Variants in LRRC28 observed in about 807,000 individuals in gnomAD.
LRRC28 encodes leucine rich repeat containing 28, also known as leucine-rich repeat-containing protein 28.
Under a neutral mutation model 45.7 loss-of-function variants are expected in LRRC28, and 39 were observed. The observed-to-expected ratio is 0.85, with a 90% CI of 0.66 to 1.12. The LOEUF (loss-of-function observed/expected upper bound fraction) is 1.12, where lower values mean the gene tolerates loss of function less well. LRRC28 is among the 50% of genes most tolerant of loss of function. The probability of loss-of-function intolerance (pLI) is 0.00; values close to 1 mark genes in which losing one functional copy is unlikely to be tolerated. For missense variants in LRRC28, 435 were observed against 438.5 expected, an observed-to-expected ratio of 0.99 and a Z score of 0.07; for synonymous variants, 206 against 178.8, an observed-to-expected ratio of 1.15 and a Z score of -1.22.
At chr15:99,353,473 C>T (rs2152317569) in intron 7 of LRRC28, among the ~76,000 whole-genome samples, 1 of 152,238 alleles carries the variant, frequency 6.6e-6, no homozygotes, top group African/African-American at 2.4e-5. Flanking sequence ...GAGTTCAGTG[C>T]CTATACAGGC....
chr15:99,384,464 C>T (rs1957922528), intron 9 of LRRC28: 1 of 152,204 alleles, frequency 6.6e-6, no homozygotes, highest in Non-Finnish European at 1.5e-5. Context: ...CATTTAGCCT[C>T]AGCCATGTCC....
At chr15:99,352,303 A>G (rs940663737) in intron 6 of LRRC28, 66 bp from the exon 7 acceptor site, 2 of 1,092,242 alleles carry the variant, frequency 1.8e-6, no homozygotes, top group South Asian at 1.4e-5. Context: ...TATGTATTAA[A>G]TTTTATATTT....
chr15:99,287,625 A>G, intron 4 of LRRC28, among the ~76,000 whole-genome samples, 189 bp from the exon 5 acceptor site: 1 of 152,188 alleles, frequency 6.6e-6, no homozygotes. Context: ...ATTTTAAGTT[A>G]TATTTTATCT....
intron 5 of LRRC28, among the ~76,000 whole-genome samples, chr15:99,325,959 C>T (rs887838245): frequency 6.6e-6 from 1 of 152,076 alleles, no homozygotes; most frequent in South Asian, 2.1e-4. Flanking sequence ...TAGAAGAAGA[C>T]GACCAATGGG....
intron 6 of LRRC28, among the ~76,000 whole-genome samples, chr15:99,344,239 T>C (rs1956612149): frequency 6.6e-6 from 1 of 152,220 alleles, no homozygotes; most frequent in Non-Finnish European, 1.5e-5. Context: ...GTGAGAAAGG[T>C]ACTCTTATCC....
In LRRC28 at chr15:99,342,375, A is replaced by G. The variant is rs538917582; in HGVS notation, c.592+8246A>G. The stretch of plus-strand genomic sequence containing the variant: ...TGGGGGAGGCTGTCTAACTTCCGTC[A>G]TGGTGAAACAGGCAGATGCGCCTTT... On this transcript the variant is annotated intron_variant, in intron 6 of 9. Coordinates refer to ENST00000301981, the MANE Select transcript of LRRC28 (RefSeq NM_144598.5). Among the ~76,000 whole-genome samples, 7 of 152,326 alleles carry G rather than the reference A, an allele frequency of 4.6e-5. No homozygotes were observed. In the East Asian group the frequency reaches 5.8e-4, roughly 13 times the overall value.
intron 7 of LRRC28, among the ~76,000 whole-genome samples, chr15:99,358,365 C>T (rs900616457): frequency 1.3e-5 from 2 of 152,088 alleles, no homozygotes; most frequent in Non-Finnish European, 1.5e-5. Context: ...GATCAAATTA[C>T]CTGTCTTAAC....
At chr15:99,336,870 G>A (rs565452294) in intron 6 of LRRC28, among the ~76,000 whole-genome samples, 1 of 152,036 alleles carries the variant, frequency 6.6e-6, no homozygotes, top group Non-Finnish European at 1.5e-5. Flanking sequence ...TCTTGTCTTG[G>A]TTATTCCATT....
intron 9 of LRRC28, chr15:99,384,880 C>G (rs1957935115): frequency 6.6e-6 from 1 of 152,352 alleles, no homozygotes; most frequent in East Asian, 1.9e-4. Context: ...CTGTATTCAT[C>G]AGGGCTGGAA....
At position 99,387,838 on chromosome 15, in the gene LRRC28, T is replaced by A. The variant is rs1407357399; in HGVS notation, c.*1736T>A. 1 of 152,252 alleles carries A rather than the reference T, an allele frequency of 6.6e-6. No individual in the cohort carries two copies. Among genetic ancestry groups the A allele is most frequent in the African/African-American group, 2.4e-5 (1 of 41,462 alleles). 9.4% of individuals were successfully genotyped at this position (152,252 alleles called of 1,614,324 possible). On this transcript the variant is annotated 3_prime_UTR_variant, in exon 10 of 10. Coordinates refer to ENST00000301981, the MANE Select transcript of LRRC28 (RefSeq NM_144598.5). ...ATTTTTATTAGCTGCCCTGACTTTA[T>A]AATGCTACGCTCTTAACAGTGCCAA...
intron 9 of LRRC28, among the ~76,000 whole-genome samples, chr15:99,385,776 A>G (rs577512253): frequency 6.7e-6 from 1 of 149,168 alleles, no homozygotes; most frequent in Admixed American, 6.7e-5. Flanking sequence ...TTTCTACTTT[A>G]GGGATAATAT....
At chr15:99,251,616 C>T (rs2080787802) in intron 1 of LRRC28, 75 bp downstream of exon 1, 1 of 152,438 alleles carries the variant, frequency 6.6e-6, no homozygotes, top group African/African-American at 2.4e-5. Flanking sequence ...GCGGGGACGC[C>T]CCAGACGTGG....
At chr15:99,324,405 G>A (rs889962386) in intron 5 of LRRC28, among the ~76,000 whole-genome samples, 2 of 152,142 alleles carry the variant, frequency 1.3e-5, no homozygotes, top group African/African-American at 4.8e-5. Flanking sequence ...AACCCAGTGT[G>A]CTCTGGAGCT....
chr15:99,289,730 G>A (rs906341271), intron 5 of LRRC28, among the ~76,000 whole-genome samples: 8 of 149,446 alleles, frequency 5.4e-5, no homozygotes, highest in Non-Finnish European at 7.4e-5. Flanking sequence ...TCAGGAGATC[G>A]AGACCATCCT....
Position 99,386,126 on chromosome 15 carries a change from C to A in LRRC28, c.*24C>A. The A allele has an allele frequency of 6.3e-7, 1 of 1,598,404 alleles. No homozygotes were observed. Among genetic ancestry groups the A allele is most frequent in the South Asian group, 1.1e-5 (1 of 90,794 alleles). ...GATAAACACTCAAGAACCTCAGGAG[C>A]GCTGCCAGCTTGACACTGGGGAATC... On this transcript the variant is annotated 3_prime_UTR_variant, in exon 10 of 10. Transcript: ENST00000301981.
intron 2 of LRRC28, among the ~76,000 whole-genome samples, chr15:99,266,006 G>A (rs1047015420): frequency 5.3e-5 from 8 of 152,172 alleles, no homozygotes; most frequent in African/African-American, 1.9e-4. Context: ...GGACAAAAAA[G>A]AGGTATCCAA....
intron 5 of LRRC28, among the ~76,000 whole-genome samples, chr15:99,312,086 C>G (rs76777030): frequency 0.021 from 3,173 of 152,212 alleles, 117 homozygotes; most frequent in African/African-American, 0.072. Flanking sequence ...AAACAATACA[C>G]AAATATTTCT....
chr15:99,307,207 C>T (rs757742675), intron 5 of LRRC28, among the ~76,000 whole-genome samples: 32 of 152,134 alleles, frequency 2.1e-4, no homozygotes, highest in Non-Finnish European at 4.1e-4. Context: ...ACTTGGGACA[C>T]TGTGGGTTGG....
intron 2 of LRRC28, among the ~76,000 whole-genome samples, chr15:99,267,639 G>T (rs2081366574): frequency 1.3e-5 from 2 of 152,184 alleles, no homozygotes; most frequent in African/African-American, 4.8e-5. Context: ...CTAATGGTCC[G>T]TTAGTGTTTT....
Sources: gnomAD v4.1 joint callset for allele counts (sites outside exome capture counted in the v4.1 genomes callset) on GRCh38, gnomAD v4.1.1 for gene constraint, MANE v1.5 for transcripts, NCBI Gene and HGNC (gene_info 2026-07-23, HGNC 2026-07-21) for gene names.